CCNH: variants seen among roughly 807,000 people sequenced by gnomAD.
CCNH encodes cyclin-H.
Under a neutral mutation model 41.9 loss-of-function variants are expected in CCNH, and 31 were observed. The observed-to-expected ratio is 0.74, with a 90% confidence interval of 0.56 to 1.00. CCNH has a LOEUF of 1.00. Ranked by LOEUF, CCNH falls within the 50% of genes least tolerant of loss-of-function variation. CCNH has a pLI of 0.00. For missense variants in CCNH, 362 were observed against 388.4 expected (o/e 0.93, Z 0.57); for synonymous variants, 138 against 136.1 (o/e 1.01, Z -0.10).
At chr5:87,381,710 T>C (rs1761727909), upstream of CCNH, among the ~76,000 whole-genome samples, 1 of 152,142 alleles carries the variant, frequency 6.6e-6, no homozygotes. Context: ...AGCATAATAT[T>C]CCAGCACAGT....
upstream of CCNH, chr5:87,380,618 T>C: frequency 2.0e-6 from 3 of 1,537,046 alleles, no homozygotes; most frequent in Non-Finnish European, 2.7e-6. Flanking sequence ...AATTGATTTG[T>C]TAAATCACAT....
intron 9 of CCNH, among the ~76,000 whole-genome samples, chr5:87,331,836 C>T (rs571448269): frequency 1.3e-5 from 2 of 152,092 alleles, no homozygotes; most frequent in Admixed American, 1.3e-4. Flanking sequence ...GTGTAGGAAA[C>T]CCTGTTTAAA....
chr5:87,399,723 A>G (rs113239013), intron 6 of CCNH, among the ~76,000 whole-genome samples: 12 of 152,290 alleles, frequency 7.9e-5, no homozygotes, highest in African/African-American at 2.4e-4. Context: ...TGTTTAGCCC[A>G]TATCATATAC....
intron 9 of CCNH, among the ~76,000 whole-genome samples, chr5:87,365,539 T>A (rs904791181): frequency 1.3e-5 from 2 of 152,120 alleles, no homozygotes; most frequent in Non-Finnish European, 2.9e-5. Flanking sequence ...GTTTTAATTA[T>A]CGTAAAATAT....
intron 9 of CCNH, among the ~76,000 whole-genome samples, chr5:87,328,619 T>C (rs937784792): frequency 1.2e-4 from 18 of 152,132 alleles, no homozygotes; most frequent in African/African-American, 4.3e-4. Flanking sequence ...ATAAAAAGAA[T>C]TACAGACTTC....
chr5:87,314,268 A>G (rs1756147515), downstream of CCNH, among the ~76,000 whole-genome samples: 1 of 152,244 alleles, frequency 6.6e-6, no homozygotes, highest in South Asian at 2.1e-4. Context: ...TGGCCAAGCC[A>G]TAAAGATTAC....
chr5:87,337,916 T>A (rs1472574431), intron 9 of CCNH: 1 of 1,502,540 alleles, frequency 6.7e-7, no homozygotes, highest in Non-Finnish European at 9.0e-7. Flanking sequence ...TATATGACTA[T>A]TCTAATCTCT....
chr5:87,406,235 T>C (rs1173830103), intron 4 of CCNH, among the ~76,000 whole-genome samples: 1 of 152,162 alleles, frequency 6.6e-6, no homozygotes, highest in Non-Finnish European at 1.5e-5. Flanking sequence ...CCAGTTCTTA[T>C]ACCTTGCTTC....
intron 9 of CCNH, among the ~76,000 whole-genome samples, chr5:87,343,654 A>G (rs1035195694): frequency 6.6e-6 from 1 of 152,194 alleles, no homozygotes; most frequent in African/African-American, 2.4e-5. Context: ...TATAGAGCAC[A>G]GCATGGAAGT....
chr5:87,333,482 C>T, intron 9 of CCNH: 1 of 1,311,834 alleles, frequency 7.6e-7, no homozygotes. Context: ...TCTGTTGGTC[C>T]TGTATCTCTG....
Position 87,411,138 on chromosome 5 carries a change from A to C in CCNH, c.240+86T>G, listed in dbSNP as rs1291697933. On this transcript the variant is annotated intron_variant, in intron 2 of 8. Transcript: ENST00000256897. Reference sequence around the variant, plus strand: ...TAATTGTAACTAAGGTGAATTTTTAAGACTTGAGTGGACAGGGAATTTAGA... The same window carrying C: ...TAATTGTAACTAAGGTGAATTTTTACGACTTGAGTGGACAGGGAATTTAGA... The C allele has an allele frequency of 1.1e-5, 15 of 1,363,064 alleles. No individual in the cohort carries two copies. The East Asian group carries it at 3.8e-4, about 34-fold the overall frequency. The allele number at this position is 1,363,064 out of a possible 1,614,324, so 84.4% of individuals were successfully genotyped here.
exon 1 of CCNH, chr5:87,376,735 C>T (rs754340889): frequency 2.1e-5 from 25 of 1,194,074 alleles, no homozygotes; most frequent in Admixed American, 7.1e-5. Context: ...AAGTAGACTA[C>T]GAATTCATTC....
chr5:87,387,985 C>G (rs1762181487), downstream of CCNH, among the ~76,000 whole-genome samples: 1 of 152,144 alleles, frequency 6.6e-6, no homozygotes. Flanking sequence ...TTCTTCACCA[C>G]CTGTATAATA....
intron 9 of CCNH, among the ~76,000 whole-genome samples, chr5:87,350,353 A>G (rs560626755): frequency 9.2e-5 from 14 of 151,898 alleles, no homozygotes; most frequent in South Asian, 4.1e-4. Context: ...GCTAGCTGCA[A>G]TTTGAGTTCT....
intron 9 of CCNH, among the ~76,000 whole-genome samples, chr5:87,345,424 G>C (rs1758791036): frequency 6.6e-6 from 1 of 152,056 alleles, no homozygotes; most frequent in Admixed American, 6.6e-5. Context: ...GTAGTTGACT[G>C]TCCTCCAGAA....
intron 9 of CCNH, among the ~76,000 whole-genome samples, chr5:87,319,942 T>A (rs1756662683): frequency 6.6e-6 from 1 of 152,226 alleles, no homozygotes; most frequent in Admixed American, 6.5e-5. Flanking sequence ...TATGAGCATA[T>A]ACTTTTAGAA....
intron 9 of CCNH, among the ~76,000 whole-genome samples, chr5:87,365,979 T>C (rs1334258858): frequency 6.6e-6 from 1 of 152,120 alleles, no homozygotes; most frequent in African/African-American, 2.4e-5. Flanking sequence ...TTTTCAGTTT[T>C]AGGTGAGAAA....
At chr5:87,377,333 CTT>C (rs1463636242), upstream of CCNH, among the ~76,000 whole-genome samples, 5 of 151,958 alleles carry the variant, frequency 3.3e-5, no homozygotes, top group Non-Finnish European at 7.4e-5. Flanking sequence ...TCTGTATTCT[CTT>C]GTTTTTTATT....
chr5:87,354,175 CTAAAGA>C (rs1371138986), intron 9 of CCNH, among the ~76,000 whole-genome samples: 1 of 151,968 alleles, frequency 6.6e-6, no homozygotes, highest in African/African-American at 2.4e-5. Flanking sequence ...TAATCTGAAG[CTAAAGA>C]TAAATTCAAG....
Sources: allele counts gnomAD v4.1 joint callset (sites outside exome capture counted in the v4.1 genomes callset), GRCh38; gene constraint gnomAD v4.1.1; transcripts MANE v1.5; gene names NCBI Gene and HGNC (gene_info 2026-07-23, HGNC 2026-07-21).